The following GPR137C variants were observed in gnomAD, a reference collection of about 807,000 sequenced individuals.
GPR137C encodes the protein G protein-coupled receptor 137C.
A neutral mutation model predicts 43.4 loss-of-function variants in GPR137C; 27 were observed. The observed-to-expected ratio is 0.62, with a 90% CI of 0.46 to 0.86. The LOEUF (loss-of-function observed/expected upper bound fraction) is 0.86. Ranked by LOEUF, GPR137C falls within the 40% of genes least tolerant of loss-of-function variation. The pLI is 0.00. For missense variants in GPR137C, 522 were observed against 534.6 expected (o/e 0.98, Z 0.23); for synonymous variants, 285 against 226.9 (o/e 1.26, Z -2.30).
rs182612096 is a variant in GPR137C, at chr14:52,633,409, A to G, written c.868-121A>G. The G allele has an allele frequency of 5.5e-6, 4 of 722,748 alleles. No homozygotes were observed. The East Asian group carries it at 8.0e-5, about 14-fold the overall frequency. 44.8% of individuals were successfully genotyped at this position (722,748 alleles called of 1,614,324 possible). On this transcript the variant is annotated intron_variant, in intron 4 of 6. Coordinates refer to ENST00000321662, the MANE Select transcript of GPR137C (RefSeq NM_001099652.2). The stretch of plus-strand genomic sequence containing the variant: ...GAAACCACAAAATATAGAAAGTTTT[A>G]GAGTTTATGTGCTTGTAGTTGATAT...
At chr14:52,578,248 T>G (rs965847228) in intron 1 of GPR137C, among the ~76,000 whole-genome samples, 3 of 152,192 alleles carry the variant, frequency 2.0e-5, no homozygotes, top group African/African-American at 7.2e-5. Context: ...ATTCTCGTAT[T>G]TTTAACTTGA....
chr14:52,624,597 A>G (rs1008458344), intron 3 of GPR137C, among the ~76,000 whole-genome samples: 2 of 151,792 alleles, frequency 1.3e-5, no homozygotes, highest in Admixed American at 6.6e-5. Flanking sequence ...GGTGGTATGC[A>G]CCTGTAGTCC....
intron 1 of GPR137C, among the ~76,000 whole-genome samples, chr14:52,579,229 G>A (rs1397422943): frequency 6.6e-6 from 1 of 152,176 alleles, no homozygotes; most frequent in Non-Finnish European, 1.5e-5. Flanking sequence ...TCCATTCTCA[G>A]TGTGGTGCTA....
rs190293795 is a variant in GPR137C, at chr14:52,593,059, G to A, written c.445-5213G>A. Among the ~76,000 whole-genome samples, 47 of 152,032 alleles carry A rather than the reference G, an allele frequency of 3.1e-4. No homozygotes were observed. The East Asian group carries it at 6.8e-3, about 22-fold the overall frequency. ...GCATGAAGGGCTGTTGAATTTAATC[G>A]AAGGCCTTTTCTGCATCTATTGAGA... On this transcript the variant is annotated intron_variant, in intron 1 of 6. Transcript: ENST00000321662.
At chr14:52,581,052 C>T (rs532383461) in intron 1 of GPR137C, among the ~76,000 whole-genome samples, 6 of 151,212 alleles carry the variant, frequency 4.0e-5, no homozygotes, top group African/African-American at 7.3e-5. Context: ...AAGAATTAGC[C>T]GGGCATGGTG....
Position 52,561,352 on chromosome 14 carries a change from G to A in GPR137C, c.444+7761G>A, listed in dbSNP as rs536027073. Among the ~76,000 whole-genome samples, 20 of 152,236 alleles carry A rather than the reference G, an allele frequency of 1.3e-4. No individual in the cohort carries two copies. In the South Asian group the frequency reaches 4.1e-3, roughly 32 times the overall value. On this transcript the variant is annotated intron_variant, in intron 1 of 6. Coordinates refer to ENST00000321662, the MANE Select transcript of GPR137C (RefSeq NM_001099652.2). The stretch of plus-strand genomic sequence containing the variant: ...GCCAGGCGTGGTGGCACAGGCCTAT[G>A]GTCCCAGCTACTCAGGAAACTGAGG...
intron 1 of GPR137C, among the ~76,000 whole-genome samples, chr14:52,562,751 G>T (rs1393693621): frequency 6.6e-6 from 1 of 152,102 alleles, no homozygotes; most frequent in African/African-American, 2.4e-5. Context: ...ATGCAGCTAG[G>T]TTAGCATGTA....
intron 1 of GPR137C, chr14:52,597,109 A>T (rs2038866133): frequency 2.6e-6 from 1 of 386,236 alleles, no homozygotes; most frequent in Admixed American, 2.7e-5. Context: ...GCCTAACACC[A>T]ATTTACTCTT....
chr14:52,606,393 TTTC>T (rs2038984112), intron 3 of GPR137C, among the ~76,000 whole-genome samples: 2 of 152,148 alleles, frequency 1.3e-5, no homozygotes, highest in African/African-American at 4.8e-5. Flanking sequence ...TCCTTTTCTT[TTTC>T]TTTTTTATTT....
intron 1 of GPR137C, among the ~76,000 whole-genome samples, chr14:52,562,361 A>C (rs1383709878): frequency 6.6e-6 from 1 of 152,236 alleles, no homozygotes; most frequent in Non-Finnish European, 1.5e-5. Context: ...TGTTTGGGAC[A>C]TGGTAGTACT....
chr14:52,592,729 G>C (rs1021579073), intron 1 of GPR137C, among the ~76,000 whole-genome samples: 3 of 152,140 alleles, frequency 2.0e-5, no homozygotes, highest in South Asian at 4.2e-4. Context: ...AGGAGATTTT[G>C]GGCTGAGACG....
chr14:52,555,344 G>T (rs2038176501), intron 1 of GPR137C, among the ~76,000 whole-genome samples: 1 of 152,066 alleles, frequency 6.6e-6, no homozygotes, highest in Non-Finnish European at 1.5e-5. Context: ...AATCTTAAAT[G>T]CACACCTAGA....
intron 1 of GPR137C, among the ~76,000 whole-genome samples, chr14:52,589,038 A>C (rs2038748063): frequency 6.6e-6 from 1 of 152,262 alleles, no homozygotes; most frequent in Non-Finnish European, 1.5e-5. Flanking sequence ...CATGCAATGG[A>C]ATATTATTCA....
At chr14:52,557,596 G>T (rs933459010) in intron 1 of GPR137C, among the ~76,000 whole-genome samples, 1 of 152,050 alleles carries the variant, frequency 6.6e-6, no homozygotes, top group African/African-American at 2.4e-5. Flanking sequence ...TCACTATCTT[G>T]ATCTTATTTC....
intron 3 of GPR137C, among the ~76,000 whole-genome samples, chr14:52,609,258 T>C (rs187127596): frequency 6.6e-6 from 1 of 152,370 alleles, no homozygotes; most frequent in Non-Finnish European, 1.5e-5. Flanking sequence ...TCTGTTTGAT[T>C]GTTTTTATTA....
chr14:52,571,734 A>G (rs1031222283), intron 1 of GPR137C, among the ~76,000 whole-genome samples: 2 of 151,950 alleles, frequency 1.3e-5, no homozygotes, highest in South Asian at 4.1e-4. Flanking sequence ...AGCAGAAGAC[A>G]AGAAATAACT....
chr14:52,590,335 A>C (rs936408151), intron 1 of GPR137C, among the ~76,000 whole-genome samples: 6 of 152,248 alleles, frequency 3.9e-5, no homozygotes, highest in African/African-American at 1.2e-4. Flanking sequence ...TTTTAAGCCA[A>C]GGGTCAGTAC....
intron 1 of GPR137C, among the ~76,000 whole-genome samples, chr14:52,562,569 G>A (rs971014954): frequency 6.6e-6 from 1 of 152,038 alleles, no homozygotes; most frequent in African/African-American, 2.4e-5. Context: ...TCCAGGCCTA[G>A]GCAATGTATC....
Position 52,633,123 on chromosome 14 carries a change from T to C in GPR137C, c.868-407T>C, listed in dbSNP as rs2039313252. On this transcript the variant is annotated intron_variant, in intron 4 of 6. Coordinates refer to ENST00000321662, the MANE Select transcript of GPR137C (RefSeq NM_001099652.2). Reference sequence around the variant, plus strand: ...TCCAAAAGCATATTTTAAGTAGAGCTGAGCTGAGTGACTTAACATGTTACA... The same window carrying C: ...TCCAAAAGCATATTTTAAGTAGAGCCGAGCTGAGTGACTTAACATGTTACA... Among the ~76,000 whole-genome samples the C allele has an allele frequency of 3.3e-5, 5 of 152,120 alleles. No individual in the cohort carries two copies. In the South Asian group the frequency reaches 1.0e-3, roughly 31 times the overall value.
Sources: gnomAD v4.1 joint callset for allele counts (sites outside exome capture counted in the v4.1 genomes callset) on GRCh38, gnomAD v4.1.1 for gene constraint, MANE v1.5 for transcripts, NCBI Gene and HGNC (gene_info 2026-07-23, HGNC 2026-07-21) for gene names.